The following MYO1D variants were observed in gnomAD, a reference collection of about 807,000 sequenced individuals.
The protein encoded by MYO1D is unconventional myosin-Id.
MYO1D carries 83 observed loss-of-function variants against 122.0 expected under a neutral mutation model. The ratio of observed to expected loss-of-function variants is 0.68; its 90% CI spans 0.57 to 0.82. MYO1D has a LOEUF of 0.82. Among genes scored for constraint, MYO1D ranks in the 40% least tolerant of loss-of-function variants. The pLI, the probability that MYO1D is intolerant of heterozygous loss-of-function variation, is 0.00. For synonymous variants in MYO1D, 464 were observed against 446.9 expected (o/e 1.04, Z -0.48); for missense variants, 1,157 against 1,269.5 (o/e 0.91, Z 1.35).
intron 8 of MYO1D, among the ~76,000 whole-genome samples, chr17:32,761,731 C>T (rs918748555): frequency 6.6e-6 from 1 of 152,134 alleles, no homozygotes; most frequent in African/African-American, 2.4e-5. Flanking sequence ...TGACTGTCTA[C>T]CTGACACTGA....
In MYO1D at chr17:32,780,568, C is replaced by A; in HGVS notation, c.304+8G>T. 6.2e-7 allele frequency: 1 copy of A among 1,613,150 alleles called. No individual in the cohort carries two copies. Among genetic ancestry groups the A allele is most frequent in the South Asian group, 1.1e-5 (1 of 91,066 alleles). ...ACTTTGGAAATACAGGGGATCCCCT[C>A]CAATTACCTGATATCACAATACAAG... On this transcript the variant is annotated splice_region_variant and intron_variant, in intron 2 of 21. Transcript: ENST00000318217.
chr17:32,843,251 G>C, intron 1 of MYO1D, among the ~76,000 whole-genome samples: 1 of 152,174 alleles, frequency 6.6e-6, no homozygotes. Flanking sequence ...GCCAAAATAT[G>C]TGTGAGTGTA....
Position 32,865,732 on chromosome 17 carries a change from A to G in MYO1D, c.95+11046T>C, listed in dbSNP as rs114270951. Among the ~76,000 whole-genome samples, 1,326 of 152,364 alleles carry G rather than the reference A, an allele frequency of 8.7e-3. 24 individuals carry two copies. The highest frequency in any genetic ancestry group is 0.03 in the African/African-American group (1,247 of 41,594). ...AATGTGGGAAAATAAAGGCAATCCCATGCTGGGATAATTGTAACTAGTCCC... is the reference window on the plus strand; with the variant it reads ...AATGTGGGAAAATAAAGGCAATCCCGTGCTGGGATAATTGTAACTAGTCCC... On this transcript the variant is annotated intron_variant, in intron 1 of 21. Coordinates refer to ENST00000318217, the MANE Select transcript of MYO1D (RefSeq NM_015194.3).
At chr17:32,714,756 G>C (rs2089421252) in intron 15 of MYO1D, among the ~76,000 whole-genome samples, 1 of 152,106 alleles carries the variant, frequency 6.6e-6, no homozygotes, top group Non-Finnish European at 1.5e-5. Context: ...CAGGATACAG[G>C]CATGGGCAAA....
At chr17:32,800,233 G>A (rs2090449403) in intron 1 of MYO1D, among the ~76,000 whole-genome samples, 1 of 152,034 alleles carries the variant, frequency 6.6e-6, no homozygotes, top group South Asian at 2.1e-4. Context: ...AGATCAGTCT[G>A]CACTCTCAAT....
chr17:32,530,250 T>C (rs530459985), intron 21 of MYO1D, among the ~76,000 whole-genome samples: 1 of 152,344 alleles, frequency 6.6e-6, no homozygotes, highest in East Asian at 1.9e-4. Context: ...TGTCCATCTA[T>C]AAAATAGGCT....
intron 21 of MYO1D, among the ~76,000 whole-genome samples, chr17:32,557,610 G>T (rs540306813): frequency 6.6e-6 from 1 of 151,820 alleles, no homozygotes; most frequent in South Asian, 2.1e-4. Context: ...CGATCCTCCC[G>T]TTACCCACCC....
intron 21 of MYO1D, among the ~76,000 whole-genome samples, chr17:32,595,025 T>C (rs1393272839): frequency 6.6e-6 from 1 of 152,214 alleles, no homozygotes; most frequent in Non-Finnish European, 1.5e-5. Flanking sequence ...GCCCTTTTAG[T>C]TGCTGATTTA....
At chr17:32,731,984 T>C (rs2089645836) in intron 14 of MYO1D, among the ~76,000 whole-genome samples, 1 of 152,254 alleles carries the variant, frequency 6.6e-6, no homozygotes, top group South Asian at 2.1e-4. Context: ...GCGCCCACTC[T>C]GATTTCAGAG....
chr17:32,565,888 T>C (rs1238656351), intron 21 of MYO1D, among the ~76,000 whole-genome samples: 2 of 151,518 alleles, frequency 1.3e-5, no homozygotes, highest in African/African-American at 4.8e-5. Flanking sequence ...GTGTGGCTAA[T>C]TTTTTTTTGT....
At chr17:32,846,447 G>A (rs2090938307) in intron 1 of MYO1D, among the ~76,000 whole-genome samples, 1 of 152,156 alleles carries the variant, frequency 6.6e-6, no homozygotes, top group Non-Finnish European at 1.5e-5. Flanking sequence ...TTATTAATAT[G>A]TGTACAGGTG....
chr17:32,740,865 T>TATA (rs2089764115), intron 13 of MYO1D, among the ~76,000 whole-genome samples: 1 of 152,066 alleles, frequency 6.6e-6, no homozygotes, highest in African/African-American at 2.4e-5. Flanking sequence ...ACCCAGTATG[T>TATA]ATAATAGGTA....
At chr17:32,626,680 G>T (rs140287204) in intron 20 of MYO1D, among the ~76,000 whole-genome samples, 5 of 152,094 alleles carry the variant, frequency 3.3e-5, no homozygotes, top group Non-Finnish European at 7.3e-5. Context: ...GCTTAGTAGC[G>T]TTTGGCATAA....
chr17:32,717,661 C>T (rs2089464364), intron 15 of MYO1D, among the ~76,000 whole-genome samples: 1 of 152,284 alleles, frequency 6.6e-6, no homozygotes, highest in Non-Finnish European at 1.5e-5. Context: ...AAGCCCTTTC[C>T]TTACACTGTG....
chr17:32,846,643 T>G (rs2090940099), intron 1 of MYO1D, among the ~76,000 whole-genome samples: 1 of 152,132 alleles, frequency 6.6e-6, no homozygotes, highest in South Asian at 2.1e-4. Flanking sequence ...GTGGAGAACA[T>G]TACTCCTTTT....
intron 10 of MYO1D, among the ~76,000 whole-genome samples, chr17:32,758,234 G>C (rs893521318): frequency 5.3e-5 from 8 of 152,198 alleles, no homozygotes; most frequent in South Asian, 4.1e-4. Context: ...TTCAACACAA[G>C]ATTGCAAAGA....
At chr17:32,523,558 T>C (rs574004224) in intron 21 of MYO1D, 1 of 152,198 alleles carries the variant, frequency 6.6e-6, no homozygotes, top group South Asian at 2.1e-4. Flanking sequence ...AATCATTCCA[T>C]TCAGTCTCAT....
intron 21 of MYO1D, among the ~76,000 whole-genome samples, chr17:32,513,984 C>G (rs1041650007): frequency 1.3e-5 from 2 of 151,926 alleles, no homozygotes; most frequent in Non-Finnish European, 2.9e-5. Flanking sequence ...TGGCTCATGT[C>G]TGTAATCCCA....
intron 3 of MYO1D, among the ~76,000 whole-genome samples, chr17:32,776,602 G>A (rs777517057): frequency 1.1e-4 from 17 of 152,184 alleles, no homozygotes; most frequent in Admixed American, 3.9e-4. Flanking sequence ...AAAAGGGAAA[G>A]AATAGGTGAT....
Sources: gnomAD v4.1 joint callset for allele counts (sites outside exome capture counted in the v4.1 genomes callset) on GRCh38, gnomAD v4.1.1 for gene constraint, MANE v1.5 for transcripts, NCBI Gene and HGNC (gene_info 2026-07-23, HGNC 2026-07-21) for gene names.